The following HIVEP3 variants were observed in gnomAD, a reference collection of about 807,000 sequenced individuals.
HIVEP3 encodes the protein HIVEP zinc finger 3.
Under a neutral mutation model 152.8 loss-of-function variants are expected in HIVEP3, and 49 were observed. The observed-to-expected ratio is 0.32, with a 90% CI of 0.26 to 0.41. HIVEP3 has a LOEUF of 0.41. HIVEP3 is among the 10% of genes least tolerant of loss of function. The pLI, the probability that HIVEP3 is intolerant of heterozygous loss-of-function variation, is 1.00. For synonymous variants in HIVEP3, 1,269 were observed against 1,289.0 expected (o/e 0.98, Z 0.33); for missense variants, 2,790 against 3,103.3 (o/e 0.90, Z 2.40).
At chr1:41,711,849 C>T (rs1646518238) in intron 1 of HIVEP3, among the ~76,000 whole-genome samples, 1 of 152,180 alleles carries the variant, frequency 6.6e-6, no homozygotes, top group Admixed American at 6.5e-5. Flanking sequence ...TGACTCTAAA[C>T]AATGGGCTAT....
chr1:41,857,107 T>C (rs920857392), intron 1 of HIVEP3, among the ~76,000 whole-genome samples: 3 of 152,180 alleles, frequency 2.0e-5, no homozygotes, highest in African/African-American at 7.2e-5. Flanking sequence ...CCAAGGAATC[T>C]GCTGAGTTCT....
At chr1:41,548,464 T>G (rs1643858079) in intron 5 of HIVEP3, among the ~76,000 whole-genome samples, 1 of 152,242 alleles carries the variant, frequency 6.6e-6, no homozygotes, top group Non-Finnish European at 1.5e-5. Flanking sequence ...CATACTGCAC[T>G]TTTTTAAGCA....
At chr1:41,544,663 C>A (rs1369961098) in intron 5 of HIVEP3, among the ~76,000 whole-genome samples, 48 of 145,976 alleles carry the variant, frequency 3.3e-4, no homozygotes, top group Non-Finnish European at 1.4e-4. Context: ...ACCACCACTA[C>A]TACCACCACC....
chr1:41,673,600 C>T (rs559219489), intron 2 of HIVEP3, among the ~76,000 whole-genome samples: 6 of 152,254 alleles, frequency 3.9e-5, no homozygotes, highest in East Asian at 1.9e-4. Flanking sequence ...ACCAAAACCG[C>T]GAGCCTGAGT....
At chr1:41,833,132 G>A (rs761445657) in intron 1 of HIVEP3, among the ~76,000 whole-genome samples, 6 of 152,186 alleles carry the variant, frequency 3.9e-5, no homozygotes, top group Non-Finnish European at 8.8e-5. Context: ...CAAAGTCAAG[G>A]TCTTCCTATT....
chr1:41,703,908 G>C (rs561740092), intron 1 of HIVEP3, among the ~76,000 whole-genome samples: 1 of 152,254 alleles, frequency 6.6e-6, no homozygotes, highest in East Asian at 1.9e-4. Flanking sequence ...GGATTCAAAG[G>C]CCTGTCCACC....
chr1:41,777,563 G>T (rs1335168293), intron 1 of HIVEP3, among the ~76,000 whole-genome samples: 2 of 152,208 alleles, frequency 1.3e-5, no homozygotes, highest in Non-Finnish European at 1.5e-5. Context: ...CACTGGGGAG[G>T]TTCACACCCT....
At chr1:41,754,509 C>T (rs572471575) in intron 1 of HIVEP3, among the ~76,000 whole-genome samples, 43 of 152,182 alleles carry the variant, frequency 2.8e-4, no homozygotes, top group Non-Finnish European at 4.9e-4. Context: ...GGCTTTTCTG[C>T]AGAGCGATGC....
At chr1:41,713,686 G>A (rs886997194) in intron 1 of HIVEP3, among the ~76,000 whole-genome samples, 1 of 152,146 alleles carries the variant, frequency 6.6e-6, no homozygotes, top group Admixed American at 6.5e-5. Flanking sequence ...CTGGATGTTC[G>A]GCCTCTACTT....
At chr1:42,025,858 C>G (rs1645578804) in intron 1 of HIVEP3, among the ~76,000 whole-genome samples, 1 of 152,084 alleles carries the variant, frequency 6.6e-6, no homozygotes, top group Non-Finnish European at 1.5e-5. Context: ...TCGCTTGAAC[C>G]CAGCAGTTCA....
chr1:41,632,341 A>G (rs376992111), intron 2 of HIVEP3, among the ~76,000 whole-genome samples: 16 of 152,330 alleles, frequency 1.1e-4, no homozygotes, highest in Middle Eastern at 3.4e-3. Flanking sequence ...TTTAATCTCT[A>G]TCTTCAAGGG....
At chr1:41,768,337 C>T (rs1390066955) in intron 1 of HIVEP3, among the ~76,000 whole-genome samples, 2 of 152,166 alleles carry the variant, frequency 1.3e-5, no homozygotes, top group African/African-American at 4.8e-5. Flanking sequence ...TATTCACTAT[C>T]GCAAGAAGAG....
At chr1:41,729,179 C>T (rs528152161) in intron 1 of HIVEP3, among the ~76,000 whole-genome samples, 2 of 152,342 alleles carry the variant, frequency 1.3e-5, no homozygotes, top group Admixed American at 6.5e-5. Flanking sequence ...GGGAATAAAA[C>T]GAGATCCTGG....
intron 3 of HIVEP3, among the ~76,000 whole-genome samples, chr1:41,601,843 G>A (rs767494270): frequency 9.9e-5 from 15 of 152,038 alleles, no homozygotes; most frequent in Non-Finnish European, 1.5e-4. Context: ...AAACTTTTCC[G>A]TTTTTCACCA....
intron 1 of HIVEP3, among the ~76,000 whole-genome samples, chr1:41,766,031 C>T (rs1258023888): frequency 2.0e-5 from 3 of 152,194 alleles, no homozygotes; most frequent in Non-Finnish European, 4.4e-5. Flanking sequence ...TGGGCTTGGC[C>T]GCTGCTGCAG....
chr1:41,869,763 T>C (rs1053321237), intron 1 of HIVEP3: 1 of 152,196 alleles, frequency 6.6e-6, no homozygotes, highest in Non-Finnish European at 1.5e-5. Flanking sequence ...TCCCAACTCA[T>C]TAGACTGTAC....
Position 41,662,223 on chromosome 1 carries a change from C to T in HIVEP3, c.-720-33276G>A, listed in dbSNP as rs1175919446. The T allele has an allele frequency of 6.9e-6, 1 of 145,380 alleles. No individual in the cohort carries two copies. Among genetic ancestry groups the T allele is most frequent in the Non-Finnish European group, 1.5e-5 (1 of 65,384 alleles). 9.0% of individuals were successfully genotyped at this position (145,380 alleles called of 1,614,324 possible). A position where few individuals can be genotyped will look rare whatever the true frequency, so the allele number is the denominator to read the frequency against. ...GGCTGCGCGCCCGGCCTCCGCGCGG[C>T]TCGGCAGCGCCCGCGCGCTCGGCTC... On this transcript the variant is annotated intron_variant, in intron 2 of 8. Coordinates refer to ENST00000372583, the MANE Select transcript of HIVEP3 (RefSeq NM_024503.5). This position sits in a 1 kb window ranked among gnomAD's most constrained non-coding sequence, Gnocchi z 7.2.
At chr1:41,561,644 C>T (rs983410567) in intron 5 of HIVEP3, among the ~76,000 whole-genome samples, 3 of 142,790 alleles carry the variant, frequency 2.1e-5, no homozygotes, top group Non-Finnish European at 3.1e-5. Context: ...TCCTGAGTAG[C>T]TGGGACTATA....
intron 2 of HIVEP3, among the ~76,000 whole-genome samples, chr1:41,682,139 C>T (rs180772025): frequency 1.3e-5 from 2 of 152,130 alleles, no homozygotes; most frequent in African/African-American, 2.4e-5. Context: ...CACAGGGACA[C>T]GCAGCTGAGG....
Sources: allele counts gnomAD v4.1 joint callset (sites outside exome capture counted in the v4.1 genomes callset), GRCh38; gene constraint gnomAD v4.1.1; non-coding constraint Gnocchi (gnomAD v3.1); transcripts MANE v1.5; gene names NCBI Gene and HGNC (gene_info 2026-07-23, HGNC 2026-07-21).